Variants in MYOM1 observed in about 807,000 individuals in gnomAD.
The protein encoded by MYOM1 is myomesin-1.
A neutral mutation model predicts 205.3 loss-of-function variants in MYOM1; 164 were observed. The ratio of observed to expected loss-of-function variants is 0.80; its 90% CI spans 0.70 to 0.91. The LOEUF is 0.91. Among genes scored for constraint, MYOM1 ranks in the 40% least tolerant of loss-of-function variants. The pLI, the probability that MYOM1 is intolerant of heterozygous loss-of-function variation, is 0.00. For synonymous variants in MYOM1, 772 were observed against 789.4 expected (o/e 0.98, Z 0.37); for missense variants, 2,011 against 2,127.3 (o/e 0.95, Z 1.08).
chr18:3,226,284 G>A, the MYOM1 span, among the ~76,000 whole-genome samples: 3 of 152,148 alleles, frequency 2.0e-5, no homozygotes, highest in East Asian at 5.8e-4. The surrounding 1 kb of genome is among the most constrained non-coding windows in gnomAD (Gnocchi z 4.6). Context: ...TATGACAAAG[G>A]GAGAATGCAT....
At chr18:3,174,486 C>T (rs987060791) in intron 6 of MYOM1, among the ~76,000 whole-genome samples, 1 of 149,228 alleles carries the variant, frequency 6.7e-6, no homozygotes, top group Non-Finnish European at 1.5e-5. Context: ...TTTAAAATGT[C>T]AAAAAAAAAA....
chr18:3,113,208 G>GTATA (rs1171034400), intron 21 of MYOM1, among the ~76,000 whole-genome samples: 1 of 3,868 alleles, frequency 2.6e-4, no homozygotes, highest in Non-Finnish European at 1.5e-3. Flanking sequence ...ATACACACAT[G>GTATA]TATATATATA....
At chr18:3,142,158 T>G in intron 13 of MYOM1, 95 bp from the exon 14 acceptor site, 2 of 1,402,362 alleles carry the variant, frequency 1.4e-6, no homozygotes, top group Non-Finnish European at 1.9e-6. Context: ...GAGGAAGAGT[T>G]AATTATGTCT....
chr18:3,099,799 A>G (rs1354061400), intron 25 of MYOM1, among the ~76,000 whole-genome samples: 3 of 152,246 alleles, frequency 2.0e-5, no homozygotes, highest in African/African-American at 4.8e-5. Flanking sequence ...GGAAAAGATT[A>G]GTTTGCATAA....
chr18:3,119,674 GA>G (rs900911779), intron 20 of MYOM1, among the ~76,000 whole-genome samples, 194 bp downstream of exon 20: 3 of 152,066 alleles, frequency 2.0e-5, no homozygotes, highest in African/African-American at 7.2e-5. Context: ...CAAGCATAAG[GA>G]ATTTATACTC....
At chr18:3,141,173 G>C (rs1292544497) in intron 14 of MYOM1, among the ~76,000 whole-genome samples, 1 of 152,204 alleles carries the variant, frequency 6.6e-6, no homozygotes, top group Admixed American at 6.5e-5. Context: ...ACTTGTGGCT[G>C]AGTCAGTTCT....
intron 19 of MYOM1, among the ~76,000 whole-genome samples, chr18:3,124,153 T>A (rs114179748): frequency 0.013 from 2,024 of 150,686 alleles, 87 homozygotes; most frequent in African/African-American, 0.047. Flanking sequence ...GCTATAATAT[T>A]TAAATCAGTG....
intron 19 of MYOM1, among the ~76,000 whole-genome samples, chr18:3,125,810 C>G (rs1454286934): frequency 1.3e-5 from 2 of 152,086 alleles, no homozygotes; most frequent in African/African-American, 4.8e-5. Context: ...TGTTCTGGTT[C>G]TCTTATGTGA....
chr18:3,209,934 T>C lies in MYOM1; in HGVS notation c.290+5000A>G, dbSNP rs1311136537. On this transcript the variant is annotated intron_variant, in intron 2 of 37. Coordinates refer to ENST00000356443, the MANE Select transcript of MYOM1 (RefSeq NM_003803.4). The surrounding 1 kb of genome is among the most constrained non-coding windows in gnomAD (Gnocchi z 4.0). The stretch of plus-strand genomic sequence containing the variant: ...TGCTTGGTAATTTATCCCAAGCACC[T>C]AGAGCAGTGCTTAGCGCTCAGTAAA... Among the ~76,000 whole-genome samples the C allele has an allele frequency of 6.6e-6, 1 of 152,232 alleles. No individual in the cohort carries two copies. The highest frequency in any genetic ancestry group is 1.5e-5 in the Non-Finnish European group (1 of 68,032).
intron 1 of MYOM1, among the ~76,000 whole-genome samples, chr18:3,216,525 G>A (rs1456199428): frequency 6.6e-6 from 1 of 152,232 alleles, no homozygotes; most frequent in Admixed American, 6.5e-5. Flanking sequence ...ACTTTCTGGG[G>A]AAGAGTATTC....
At chr18:3,238,881 T>TACTCTTTGAC in the MYOM1 span, among the ~76,000 whole-genome samples, 2 of 152,132 alleles carry the variant, frequency 1.3e-5, no homozygotes, top group Non-Finnish European at 2.9e-5. Flanking sequence ...TCTTTGACCC[T>TACTCTTTGAC]TCTTCCACAG....
At chr18:3,072,198 C>G (rs1405111363) in intron 36 of MYOM1, among the ~76,000 whole-genome samples, 4 of 150,566 alleles carry the variant, frequency 2.7e-5, no homozygotes, top group African/African-American at 9.8e-5. Context: ...TTATAGGCAC[C>G]TGCCACCGTG....
At chr18:3,184,126 A>T (rs1317302581) in intron 5 of MYOM1, among the ~76,000 whole-genome samples, 1 of 151,946 alleles carries the variant, frequency 6.6e-6, no homozygotes, top group African/African-American at 2.4e-5. Flanking sequence ...GGCTGGTCTC[A>T]AACTCCTGGC....
chr18:3,151,642 C>A, intron 12 of MYOM1, 52 bp downstream of exon 12: 5 of 1,489,108 alleles, frequency 3.4e-6, no homozygotes, highest in Non-Finnish European at 4.6e-6. Context: ...CTGATTCTTG[C>A]AGTCATTTTA....
At chr18:3,077,850 C>T (rs999721764) in intron 34 of MYOM1, among the ~76,000 whole-genome samples, 3 of 152,098 alleles carry the variant, frequency 2.0e-5, no homozygotes, top group Non-Finnish European at 2.9e-5. Flanking sequence ...AGAAAGTCCG[C>T]GTCCCTCTGG....
At chr18:3,141,857 T>C (rs1001036244) in intron 14 of MYOM1, 82 bp downstream of exon 14, 138 of 1,562,128 alleles carry the variant, frequency 8.8e-5, no homozygotes, top group South Asian at 7.9e-4. Context: ...CCTCACTCCA[T>C]TGTCCCTGGG....
At chr18:3,191,842 C>A (rs920719103) in intron 3 of MYOM1, among the ~76,000 whole-genome samples, 1 of 151,770 alleles carries the variant, frequency 6.6e-6, no homozygotes, top group South Asian at 2.1e-4. Context: ...ACTACAGGTG[C>A]CCGCCACCAC....
intron 10 of MYOM1, among the ~76,000 whole-genome samples, chr18:3,162,105 T>A (rs2080399706): frequency 6.6e-6 from 1 of 152,226 alleles, no homozygotes; most frequent in South Asian, 2.1e-4. Context: ...TGAGCTAGTC[T>A]ACCTGCATTG....
chr18:3,120,327 T>A (rs2079669651), intron 19 of MYOM1, among the ~76,000 whole-genome samples: 1 of 152,140 alleles, frequency 6.6e-6, no homozygotes, highest in South Asian at 2.1e-4. Context: ...CCTGATGTTA[T>A]CAGGTAAGAA....
Sources: gnomAD v4.1 joint callset for allele counts (sites outside exome capture counted in the v4.1 genomes callset) on GRCh38, gnomAD v4.1.1 for gene constraint, Gnocchi (gnomAD v3.1) non-coding constraint, MANE v1.5 for transcripts, NCBI Gene and HGNC (gene_info 2026-07-23, HGNC 2026-07-21) for gene names.